The following LTBP1 variants were observed in gnomAD, a reference collection of about 807,000 sequenced individuals.
The protein encoded by LTBP1 is latent-transforming growth factor beta-binding protein 1.
LTBP1 carries 129 observed loss-of-function variants against 207.6 expected under a neutral mutation model. That is an observed-to-expected ratio of 0.62 (90% confidence interval 0.54 to 0.72). LTBP1 has a LOEUF of 0.72. LTBP1 is among the 30% of genes least tolerant of loss of function. The probability of loss-of-function intolerance (pLI) is 0.00; values close to 1 mark genes in which losing one functional copy is unlikely to be tolerated. For missense variants in LTBP1, 2,281 were observed against 2,217.2 expected (o/e 1.03, Z -0.58); for synonymous variants, 963 against 833.7 (o/e 1.16, Z -2.67).
At position 33,275,848 on chromosome 2, in the gene LTBP1, G is replaced by A. The variant is rs1396339049; in HGVS notation, c.2917G>A (p.Val973Ile). 1.9e-6 allele frequency: 3 copies of A among 1,613,548 alleles called. No homozygotes were observed. Among genetic ancestry groups the A allele is most frequent in the South Asian group, 1.1e-5 (1 of 90,946 alleles). ...RPDVCGEGHCVNTVGAFRCEY... is the reference protein window; with the variant it reads ...RPDVCGEGHCINTVGAFRCEY... The stretch of plus-strand genomic sequence containing the variant: ...GGACGTCTGTGGGGAGGGGCACTGT[G>A]TCAATACTGTGGGGGCCTTCCGGTG... The change falls in exon 18 of 34, where the codon GTC becomes ATC. Residue 973 changes from valine to isoleucine, a missense_variant. Transcript: ENST00000404816.
intron 19 of LTBP1, among the ~76,000 whole-genome samples, chr2:33,291,044 T>C (rs1292983742): frequency 1.3e-5 from 2 of 152,234 alleles, no homozygotes; most frequent in Non-Finnish European, 2.9e-5. Context: ...GAGCATAGTC[T>C]CATTAAGGCA....
rs186178325 is a variant in LTBP1 at position 33,396,015 on chromosome 2, C to T, written c.4835-1118C>T. 2.1e-3 allele frequency among the ~76,000 whole-genome samples: 322 copies of T among 151,778 alleles called. 2 individuals carry two copies. Among genetic ancestry groups the T allele is most frequent in the African/African-American group, 7.4e-3 (306 of 41,370 alleles). On this transcript the variant is annotated intron_variant, in intron 32 of 33. Coordinates refer to ENST00000404816, the MANE Select transcript of LTBP1 (RefSeq NM_206943.4). ...CTGTGGATTTATGTTTAGAACTTTC[C>T]TCTGCAAAATGAGAGCTAAACACTC...
At chr2:33,210,474 T>C (rs1399938630) in intron 7 of LTBP1, among the ~76,000 whole-genome samples, 2 of 152,202 alleles carry the variant, frequency 1.3e-5, no homozygotes, top group African/African-American at 4.8e-5. Context: ...CTTTCTCCTT[T>C]TCCTCCTCTT....
At chr2:33,098,413 A>G (rs1362907480) in intron 3 of LTBP1, among the ~76,000 whole-genome samples, 2 of 152,052 alleles carry the variant, frequency 1.3e-5, no homozygotes, top group Admixed American at 6.6e-5. Context: ...TTAACTATTA[A>G]CTTTATGGTG....
chr2:33,061,250 A>G (rs1229220879), intron 3 of LTBP1, among the ~76,000 whole-genome samples: 3 of 152,188 alleles, frequency 2.0e-5, no homozygotes, highest in Admixed American at 2.0e-4. Context: ...ACTAAGATGC[A>G]CACATCATGA....
chr2:33,356,043 C>T (rs2094854730), intron 26 of LTBP1, among the ~76,000 whole-genome samples: 1 of 151,586 alleles, frequency 6.6e-6, no homozygotes, highest in African/African-American at 2.4e-5. Flanking sequence ...TTCTGCAGCT[C>T]ACTGCACAGA....
chr2:33,196,334 T>G (rs2088560703), intron 7 of LTBP1, among the ~76,000 whole-genome samples: 1 of 152,224 alleles, frequency 6.6e-6, no homozygotes, highest in African/African-American at 2.4e-5. Flanking sequence ...TAAAATTTCC[T>G]AGACTTATAA....
At chr2:33,280,202 T>G (rs1365183550) in intron 19 of LTBP1, 44 bp downstream of exon 19, 1 of 1,573,696 alleles carries the variant, frequency 6.4e-7, no homozygotes, top group Non-Finnish European at 8.6e-7. Context: ...TTCTTCTGCA[T>G]GGCCCATTTT....
intron 3 of LTBP1, among the ~76,000 whole-genome samples, chr2:33,085,254 A>G (rs1277706776): frequency 6.6e-6 from 1 of 152,136 alleles, no homozygotes; most frequent in African/African-American, 2.4e-5. Context: ...TACCCGAGAG[A>G]GAATACATTT....
At chr2:33,144,738 A>G (rs1328755063) in intron 5 of LTBP1, among the ~76,000 whole-genome samples, 1 of 152,236 alleles carries the variant, frequency 6.6e-6, no homozygotes, top group Non-Finnish European at 1.5e-5. Context: ...ATTTATTGGC[A>G]TATGAGTTGA....
At chr2:33,222,052 A>G in intron 8 of LTBP1, 28 bp from the exon 9 acceptor site, 2 of 1,531,804 alleles carry the variant, frequency 1.3e-6, no homozygotes, top group South Asian at 1.1e-5. Context: ...GAATTTAAGT[A>G]TGTAACAAAG....
intron 13 of LTBP1, among the ~76,000 whole-genome samples, chr2:33,262,492 C>T (rs1449187692): frequency 6.6e-6 from 1 of 150,636 alleles, no homozygotes; most frequent in Non-Finnish European, 1.5e-5. Context: ...GGATTAGCAC[C>T]ACTGGGAAAA....
At chr2:33,259,492 A>T in intron 12 of LTBP1, 96 bp from the exon 13 acceptor site, 1 of 843,370 alleles carries the variant, frequency 1.2e-6, no homozygotes. Flanking sequence ...ATCCTTTTGC[A>T]GAGATAATGG....
intron 4 of LTBP1, among the ~76,000 whole-genome samples, chr2:33,115,484 G>A (rs1016572072): frequency 6.6e-6 from 1 of 152,082 alleles, no homozygotes. Flanking sequence ...ACACTTAAGG[G>A]TGAATTCTGT....
chr2:32,948,327 C>G (rs1346057819), intron 1 of LTBP1, among the ~76,000 whole-genome samples: 1 of 152,106 alleles, frequency 6.6e-6, no homozygotes, highest in Non-Finnish European at 1.5e-5. Context: ...GGTCTGCTTT[C>G]CTGGGGTGGG....
intron 2 of LTBP1, among the ~76,000 whole-genome samples, chr2:32,991,980 A>G (rs568221091): frequency 8.5e-5 from 13 of 152,182 alleles, no homozygotes; most frequent in Non-Finnish European, 1.6e-4. Context: ...TGTAGATGAC[A>G]CAAAAACAGT....
intron 2 of LTBP1, among the ~76,000 whole-genome samples, chr2:33,018,462 A>G (rs1286861789): frequency 2.0e-5 from 3 of 152,180 alleles, no homozygotes; most frequent in Non-Finnish European, 4.4e-5. Flanking sequence ...GAAGGCACAC[A>G]TGAAAGGGCC....
intron 9 of LTBP1, among the ~76,000 whole-genome samples, chr2:33,234,436 A>G (rs2091941772): frequency 6.6e-6 from 1 of 152,168 alleles, no homozygotes; most frequent in Non-Finnish European, 1.5e-5. Flanking sequence ...TAATAGACAG[A>G]CAGAGAGCCA....
intron 7 of LTBP1, among the ~76,000 whole-genome samples, chr2:33,197,665 T>G (rs539178642): frequency 6.6e-6 from 1 of 152,356 alleles, no homozygotes; most frequent in East Asian, 1.9e-4. Context: ...TCAAACATGT[T>G]TTATTGATTG....
Sources: allele counts gnomAD v4.1 joint callset (sites outside exome capture counted in the v4.1 genomes callset), GRCh38; gene constraint gnomAD v4.1.1; transcripts MANE v1.5; gene names NCBI Gene and HGNC (gene_info 2026-07-23, HGNC 2026-07-21).